The following RELN variants were observed in gnomAD, a reference collection of about 807,000 sequenced individuals.
The protein encoded by RELN is reelin.
Under a neutral mutation model 427.6 loss-of-function variants are expected in RELN, and 108 were observed. The observed-to-expected ratio is 0.25, with a 90% CI of 0.22 to 0.30. The LOEUF (loss-of-function observed/expected upper bound fraction) is 0.30, where lower values mean the gene tolerates loss of function less well. Among genes scored for constraint, RELN ranks in the 10% least tolerant of loss-of-function variants. RELN has a pLI of 1.00. For synonymous variants in RELN, 1,524 were observed against 1,513.4 expected (o/e 1.01, Z -0.16); for missense variants, 3,715 against 4,302.8 (o/e 0.86, Z 3.82).
chr7:103,688,056 A>T (rs12705141), intron 10 of RELN, among the ~76,000 whole-genome samples: 34,589 of 151,980 alleles, frequency 0.23, 3,975 homozygotes, highest in Middle Eastern at 0.39. Context: ...ACAATATCTT[A>T]TACCCACCTC....
intron 22 of RELN, 112 bp from the exon 23 acceptor site, chr7:103,604,595 C>A (rs1384311397): frequency 9.8e-7 from 1 of 1,015,728 alleles, no homozygotes; most frequent in Non-Finnish European, 1.5e-6. Flanking sequence ...GGAACTTGAG[C>A]TTAGCTGGCA....
At chr7:103,673,501 A>C (rs148765439) in intron 11 of RELN, among the ~76,000 whole-genome samples, 105 of 152,210 alleles carry the variant, frequency 6.9e-4, no homozygotes, top group Non-Finnish European at 1.2e-3. Flanking sequence ...CAAATAATCC[A>C]TACTTATTTA....
At chr7:103,848,440 A>G (rs1035147364) in intron 2 of RELN, among the ~76,000 whole-genome samples, 1 of 152,172 alleles carries the variant, frequency 6.6e-6, no homozygotes, top group Non-Finnish European at 1.5e-5. Context: ...TGCCCAGCAA[A>G]GAGTCATGTC....
intron 6 of RELN, among the ~76,000 whole-genome samples, chr7:103,741,072 T>C (rs764297814): frequency 6.6e-6 from 1 of 152,176 alleles, no homozygotes; most frequent in South Asian, 2.1e-4. Context: ...TTCTGACTCT[T>C]TTCTGGGGTA....
At chr7:103,938,757 T>C (rs921057480) in intron 1 of RELN, among the ~76,000 whole-genome samples, 1 of 152,152 alleles carries the variant, frequency 6.6e-6, no homozygotes, top group African/African-American at 2.4e-5. Context: ...ATGTGTCAAT[T>C]AGATATGTCA....
intron 28 of RELN, among the ~76,000 whole-genome samples, chr7:103,581,668 A>T (rs1584315747): frequency 3.9e-5 from 6 of 152,130 alleles, no homozygotes; most frequent in Admixed American, 3.9e-4. Context: ...ACTTCTTATT[A>T]AAAAAGGAAG....
At chr7:103,664,826 TCTCA>T (rs532860440) in intron 11 of RELN, among the ~76,000 whole-genome samples, 17 of 152,170 alleles carry the variant, frequency 1.1e-4, no homozygotes, top group Non-Finnish European at 1.8e-4. Flanking sequence ...CTTTTCTTTC[TCTCA>T]CTTTCTTATG....
At chr7:103,632,112 T>C (rs1238227860) in intron 19 of RELN, among the ~76,000 whole-genome samples, 1 of 152,180 alleles carries the variant, frequency 6.6e-6, no homozygotes, top group Non-Finnish European at 1.5e-5. Flanking sequence ...GTGACTGAAG[T>C]GACCAATATT....
At chr7:103,539,737 G>T (rs543532572) in intron 44 of RELN, among the ~76,000 whole-genome samples, 1 of 152,188 alleles carries the variant, frequency 6.6e-6, no homozygotes, top group Non-Finnish European at 1.5e-5. Flanking sequence ...GGTTCTTTGA[G>T]TTCTATTTGA....
intron 46 of RELN, among the ~76,000 whole-genome samples, chr7:103,526,438 T>G (rs1475429536): frequency 6.6e-6 from 1 of 152,182 alleles, no homozygotes; most frequent in African/African-American, 2.4e-5. Context: ...GGTGAGTAAC[T>G]AAACATGTAT....
Position 103,711,051 on chromosome 7 carries a change from A to T in RELN, c.806-10045T>A, listed in dbSNP as rs182783672. Among the ~76,000 whole-genome samples the T allele has an allele frequency of 4.2e-3, 642 of 152,170 alleles. 4 individuals carry two copies. Among genetic ancestry groups the T allele is most frequent in the South Asian group, 0.014 (68 of 4,820 alleles). On this transcript the variant is annotated intron_variant, in intron 8 of 64. Coordinates refer to ENST00000428762, the MANE Select transcript of RELN (RefSeq NM_005045.4). ...GAGCGAGACTCCGTCTCAAAAAAAAATTTTTTTAAATAAATAAATAAATAG... is the reference window on the plus strand; with the variant it reads ...GAGCGAGACTCCGTCTCAAAAAAAATTTTTTTTAAATAAATAAATAAATAG...
intron 2 of RELN, among the ~76,000 whole-genome samples, chr7:103,902,211 A>C (rs1291795793): frequency 2.0e-5 from 3 of 152,008 alleles, no homozygotes; most frequent in African/African-American, 7.2e-5. Flanking sequence ...CTAGAAAAAG[A>C]AAGCCAAATC....
Position 103,815,881 on chromosome 7 carries a change from AG to A in RELN, c.473+17655del, listed in dbSNP as rs375624708. Among the ~76,000 whole-genome samples the A allele has an allele frequency of 1.1e-3, 163 of 152,366 alleles. 1 individual carries two copies. Among genetic ancestry groups the A allele is most frequent in the African/African-American group, 3.8e-3 (157 of 41,590 alleles). On this transcript the variant is annotated intron_variant, in intron 3 of 64. Transcript: ENST00000428762. ...TTTGAACCAACAAAAATGTATTTCA[AG>A]GGTTTTTGATACTTAAATTCCTGAT...
intron 1 of RELN, among the ~76,000 whole-genome samples, chr7:103,983,780 A>C (rs1254260070): frequency 1.3e-5 from 2 of 151,944 alleles, no homozygotes; most frequent in African/African-American, 4.8e-5. Flanking sequence ...ATTCCAACCT[A>C]ATGCACTCCA....
intron 49 of RELN, among the ~76,000 whole-genome samples, chr7:103,518,329 T>C (rs888412720): frequency 3.4e-5 from 3 of 87,448 alleles, no homozygotes; most frequent in Non-Finnish European, 6.1e-5. Flanking sequence ...TACGTTTCCT[T>C]TTTTTTTTTT....
chr7:103,842,244 G>A (rs1235899632), intron 2 of RELN, among the ~76,000 whole-genome samples: 10 of 150,488 alleles, frequency 6.6e-5, no homozygotes, highest in Non-Finnish European at 1.5e-5. Context: ...ATATCTAAAG[G>A]CTTCCATCAG....
chr7:103,496,004 C>A, intron 56 of RELN, 106 bp from the exon 57 acceptor site: 4 of 1,228,068 alleles, frequency 3.3e-6, no homozygotes, highest in Non-Finnish European at 2.4e-6. Flanking sequence ...TGTTGAATTC[C>A]TTAAATTTTT....
chr7:103,717,844 CA>C (rs1789977410), intron 8 of RELN, among the ~76,000 whole-genome samples: 1 of 152,036 alleles, frequency 6.6e-6, no homozygotes, highest in Non-Finnish European at 1.5e-5. Flanking sequence ...AAATGAGCAA[CA>C]ATTCATACCA....
chr7:103,654,960 C>T (rs1196829400), intron 12 of RELN, among the ~76,000 whole-genome samples: 1 of 151,900 alleles, frequency 6.6e-6, no homozygotes, highest in East Asian at 1.9e-4. Context: ...TAACTGCATT[C>T]CATCAATAAT....
Sources: gnomAD v4.1 joint callset for allele counts (sites outside exome capture counted in the v4.1 genomes callset) on GRCh38, gnomAD v4.1.1 for gene constraint, MANE v1.5 for transcripts, NCBI Gene and HGNC (gene_info 2026-07-23, HGNC 2026-07-21) for gene names.